Variants in SRRM2 observed in about 807,000 individuals in gnomAD.
The protein encoded by SRRM2 is serine/arginine repetitive matrix protein 2.
In SRRM2, 30 loss-of-function variants were observed where a neutral mutation model predicts 213.8. The ratio of observed to expected loss-of-function variants is 0.14; its 90% CI spans 0.10 to 0.19. The LOEUF (loss-of-function observed/expected upper bound fraction) is 0.19, where lower values mean the gene tolerates loss of function less well. SRRM2 is among the 10% of genes least tolerant of loss of function. The pLI, the probability that SRRM2 is intolerant of heterozygous loss-of-function variation, is 1.00. For missense variants in SRRM2, 4,904 were observed against 3,647.0 expected (o/e 1.34, Z -8.88); for synonymous variants, 2,025 against 1,377.7 (o/e 1.47, Z -10.40).
chr16:2,760,047 G>A, intron 9 of SRRM2: 1 of 567,790 alleles, frequency 1.8e-6, no homozygotes, highest in Non-Finnish European at 3.2e-6. Flanking sequence ...TGGGCTGGGT[G>A]GATGGTTTGG....
chr16:2,769,420 T>C (rs2068660005), intron 12 of SRRM2, 136 bp downstream of exon 12: 7 of 993,928 alleles, frequency 7.0e-6, no homozygotes, highest in African/African-American at 1.6e-5. Flanking sequence ...AGGCACTTGC[T>C]CTCCTCTCCC....
chr16:2,755,514 T>C (rs561589377), intron 1 of SRRM2, among the ~76,000 whole-genome samples: 1 of 152,092 alleles, frequency 6.6e-6, no homozygotes, highest in Non-Finnish European at 1.5e-5. Context: ...ACAGGTAATA[T>C]TTGACAGCTG....
At position 2,766,211 on chromosome 16, in the gene SRRM2, G is replaced by C; in HGVS notation, c.5683G>C (p.Val1895Leu). Residue 1895 changes from valine (V) to leucine (L), a missense_variant, in exon 11 of 15, where the codon GTC becomes CTC. Coordinates refer to ENST00000301740, the MANE Select transcript of SRRM2 (RefSeq NM_016333.4). This position sits in a 1 kb window ranked among gnomAD's most constrained non-coding sequence, Gnocchi z 7.0. ...TAGGTCCAGATCTCGAACTTCACCA[G>C]TCAGCCGGAGACGGTCAAGGTCCAG... Reference protein sequence around the residue: ...RRRSRSRTSPVSRRRSRSRTS... With the variant: ...RRRSRSRTSPLSRRRSRSRTS... The C allele has an allele frequency of 1.9e-6, 3 of 1,614,156 alleles. No homozygotes were observed. The highest frequency in any genetic ancestry group is 2.5e-6 in the Non-Finnish European group (3 of 1,180,036).
chr16:2,768,739 C>T, intron 11 of SRRM2: 1 of 740,196 alleles, frequency 1.4e-6, no homozygotes, highest in Middle Eastern at 2.3e-4. Context: ...GCCCAGAGGC[C>T]TTATTCCTCC....
intron 9 of SRRM2, 183 bp from the exon 10 acceptor site, chr16:2,760,118 G>GA: frequency 3.1e-6 from 2 of 648,484 alleles, no homozygotes; most frequent in South Asian, 3.7e-5. Flanking sequence ...ATTGTGTTGG[G>GA]AAAAGAAGAA....
chr16:2,760,127 A>C, intron 9 of SRRM2, 174 bp from the exon 10 acceptor site: 1 of 662,626 alleles, frequency 1.5e-6, no homozygotes, highest in African/African-American at 1.8e-5. Flanking sequence ...GGAAAAGAAG[A>C]ACCAAAGTGG....
rs767124569 is a variant in SRRM2, at chr16:2,762,557, C to T, written c.2029C>T (p.Arg677Cys). Residue 677 changes from arginine to cysteine, a missense_variant, in exon 11 of 15, where the codon CGC (arginine) becomes TGC (cysteine). Arg to Cys is a radical substitution (Grantham distance 180, BLOSUM62 -3). Transcript: ENST00000301740. ...GRSRSRTPAR[R>C]SGRSRSRTPA... is the part of the protein sequence containing the mutation. ...CTCACGCTCTAGAACCCCAGCTAGACGCAGTGGTCGCTCACGCTCCAGAAC... is the reference window on the plus strand; with the variant it reads ...CTCACGCTCTAGAACCCCAGCTAGATGCAGTGGTCGCTCACGCTCCAGAAC... 120 of 1,613,690 alleles carry T rather than the reference C, an allele frequency of 7.4e-5. No homozygotes were observed. Among genetic ancestry groups the T allele is most frequent in the Non-Finnish European group, 9.5e-5 (112 of 1,179,962 alleles).
chr16:2,765,609 C>G lies in SRRM2; in HGVS notation c.5081C>G (p.Ser1694Cys), dbSNP rs201186020. 6.2e-7 allele frequency: 1 copy of G among 1,614,090 alleles called. No homozygotes were observed. The highest frequency in any genetic ancestry group is 2.2e-5 in the East Asian group (1 of 44,898). The change falls in exon 11 of 15, where the codon TCT (serine) becomes TGT (cysteine). Residue 1694 changes from serine (S) to cysteine (C), a missense_variant. Coordinates refer to ENST00000301740, the MANE Select transcript of SRRM2 (RefSeq NM_016333.4). ...CCTCGACGTCGCAGCTCTCGATCAT[C>G]TCCGGAGCTAACAAGGAAGGCCAGA... is the stretch of plus-strand genomic sequence containing the variant. ...TPPRRRSSRS[S>C]PELTRKARLS...
chr16:2,763,748 C>A lies in SRRM2; in HGVS notation c.3220C>A (p.Pro1074Thr), dbSNP rs1414327604. 1 of 1,614,168 alleles carries A rather than the reference C, an allele frequency of 6.2e-7. No homozygotes were observed. The highest frequency in any genetic ancestry group is 1.1e-5 in the South Asian group (1 of 91,080). The change falls in exon 11 of 15, where the codon CCA (proline) becomes ACA (threonine). Residue 1074 changes from proline to threonine, a missense_variant. Physicochemically the swap from Pro to Thr is conservative, Grantham distance 38 (BLOSUM62 -1). Transcript: ENST00000301740. ...AGACCACAGATCTGATACTTCAAGTCCAGAAGTGAGACAGAGTCATTCAGA... is the reference window on the plus strand; with the variant it reads ...AGACCACAGATCTGATACTTCAAGTACAGAAGTGAGACAGAGTCATTCAGA... Reference protein sequence around the residue: ...SPDHRSDTSSPEVRQSHSESP... With the variant: ...SPDHRSDTSSTEVRQSHSESP...
chr16:2,770,435 C>T lies in SRRM2; in HGVS notation c.8105C>T (p.Ser2702Leu), dbSNP rs202157859. The T allele has an allele frequency of 1.8e-4, 286 of 1,610,198 alleles. 1 individual carries two copies. In the Admixed American group the frequency reaches 2.1e-3, roughly 12 times the overall value. ...SYSPVERRRP[S>L]PQPSPRDQQS... is the part of the protein sequence containing the mutation. ...TCGCCTGTGGAGCGTCGCCGTCCCT[C>T]GCCCCAGCCCTCACCACGGGACCAG... Residue 2702 changes from serine to leucine, a missense_variant, in exon 13 of 15, where the codon TCG becomes TTG. Physicochemically the swap from Ser to Leu is moderately radical, Grantham distance 145 (BLOSUM62 -2). Transcript: ENST00000301740.
Position 2,763,178 on chromosome 16 carries a change from A to G in SRRM2, c.2650A>G (p.Arg884Gly). Residue 884 changes from arginine (R) to glycine (G), a missense_variant, in exon 11 of 15, where the codon AGG (arginine) becomes GGG (glycine). Arg to Gly is a moderately radical substitution (Grantham distance 125). Coordinates refer to ENST00000301740, the MANE Select transcript of SRRM2 (RefSeq NM_016333.4). ...ATCACCTGACCCTGAGTTGAAATCT[A>G]GGACCCCTTCTAGACATAGCTGCTC... ...ESSPDPELKSRTPSRHSCSGS... is the reference protein window; with the variant it reads ...ESSPDPELKSGTPSRHSCSGS... The G allele has an allele frequency of 3.1e-6, 5 of 1,614,104 alleles. No homozygotes were observed. Among genetic ancestry groups the G allele is most frequent in the Non-Finnish European group, 4.2e-6 (5 of 1,180,018 alleles).
chr16:2,770,875 T>G lies in SRRM2; in HGVS notation c.*8T>G, dbSNP rs375312805. 7 of 1,613,796 alleles carry G rather than the reference T, an allele frequency of 4.3e-6. No homozygotes were observed. The African/African-American group carries it at 9.3e-5, about 22-fold the overall frequency. ...TCTTGCAGGTCTCCATAAATTGTCT[T>G]TGGGGGATTCCACCACACCCAATGC... On this transcript the variant is annotated 3_prime_UTR_variant, in exon 15 of 15. Transcript: ENST00000301740.
intron 5 of SRRM2, 45 bp from the exon 6 acceptor site, chr16:2,758,940 G>A: frequency 1.9e-6 from 3 of 1,611,682 alleles, no homozygotes; most frequent in Non-Finnish European, 1.7e-6. Flanking sequence ...GGAGGGCCAG[G>A]AAAGAAGCCA....
At position 2,760,428 on chromosome 16, in the gene SRRM2, C is replaced by G. The variant is rs895715053; in HGVS notation, c.961C>G (p.Pro321Ala). Residue 321 changes from proline to alanine, a missense_variant, in exon 10 of 15, where the codon CCT becomes GCT. Physicochemically the swap from Pro to Ala is conservative, Grantham distance 27 (BLOSUM62 -1). Coordinates refer to ENST00000301740, the MANE Select transcript of SRRM2 (RefSeq NM_016333.4). Reference protein sequence around the residue: ...SEPGTTSTQRPSSPETATKQP... With the variant: ...SEPGTTSTQRASSPETATKQP... ...ACCAGGTACTACCAGCACACAACGG[C>G]CTAGTAGCCCGGAGACTGCTACGAA... is the stretch of plus-strand genomic sequence containing the variant. 1.2e-6 allele frequency: 2 copies of G among 1,614,132 alleles called. No homozygotes were observed. Among genetic ancestry groups the G allele is most frequent in the Non-Finnish European group, 1.7e-6 (2 of 1,180,038 alleles).
chr16:2,759,772 A>G, intron 9 of SRRM2, 111 bp downstream of exon 9: 1 of 940,920 alleles, frequency 1.1e-6, no homozygotes. Flanking sequence ...TTCGGAAGAC[A>G]CGGTCCCTGC....
chr16:2,753,906 T>TCTCCCCTTTTG (rs955029863), intron 1 of SRRM2, among the ~76,000 whole-genome samples: 1 of 152,034 alleles, frequency 6.6e-6, no homozygotes, highest in Admixed American at 6.5e-5. Flanking sequence ...CTCCCCTTTT[T>TCTCCCCTTTTG]CTCCCCTTTT....
At chr16:2,770,328 A>G (rs776349683) in intron 12 of SRRM2, 24 bp from the exon 13 acceptor site, 14 of 1,556,022 alleles carry the variant, frequency 9.0e-6, no homozygotes, top group Non-Finnish European at 1.1e-5. Context: ...GTGTGGTGCT[A>G]TTGGGTCCTA....
chr16:2,766,123 ATCTCGAGCC>A lies in SRRM2; in HGVS notation c.5600_5608del (p.Arg1867_Ser1869del). The A allele has an allele frequency of 1.9e-6, 3 of 1,613,958 alleles. No individual in the cohort carries two copies. The highest frequency in any genetic ancestry group is 2.5e-6 in the Non-Finnish European group (3 of 1,179,986). Reference sequence around the variant, plus strand: ...CACCAGCCCCGTGGAAACGCTCTAGATCTCGAGCCTCTCCAGCCACTCACCGGCGATCCA... The same window carrying A: ...CACCAGCCCCGTGGAAACGCTCTAGATCTCCAGCCACTCACCGGCGATCCA... On this transcript the variant is annotated inframe_deletion, in exon 11 of 15. Coordinates refer to ENST00000301740, the MANE Select transcript of SRRM2 (RefSeq NM_016333.4). The surrounding 1 kb of genome is among the most constrained non-coding windows in gnomAD (Gnocchi z 7.0).
rs1241206064 is a variant in SRRM2 at position 2,763,595 on chromosome 16, G to C, written c.3067G>C (p.Asp1023His). ...KSPCPQEKSK[D>H]SLVQSCPGSL... ...ACCATGTCCCCAAGAGAAGTCTAAA[G>C]ACTCACTAGTTCAAAGTTGCCCTGG... is the stretch of plus-strand genomic sequence containing the variant. Residue 1023 changes from aspartate (D) to histidine (H), a missense_variant, in exon 11 of 15, where the codon GAC becomes CAC. Transcript: ENST00000301740. 3 of 1,614,126 alleles carry C rather than the reference G, an allele frequency of 1.9e-6. No homozygotes were observed. Among genetic ancestry groups the C allele is most frequent in the Non-Finnish European group, 2.5e-6 (3 of 1,180,032 alleles).
Sources: allele counts gnomAD v4.1 joint callset (sites outside exome capture counted in the v4.1 genomes callset), GRCh38; gene constraint gnomAD v4.1.1; non-coding constraint Gnocchi (gnomAD v3.1); transcripts MANE v1.5; gene names NCBI Gene and HGNC (gene_info 2026-07-23, HGNC 2026-07-21).